Variants in SLC38A9 observed in about 807,000 individuals in gnomAD.
The protein encoded by SLC38A9 is solute carrier family 38 member 9.
Under a neutral mutation model 62.3 loss-of-function variants are expected in SLC38A9, and 48 were observed. The observed-to-expected ratio is 0.77, with a 90% CI of 0.61 to 0.98. The LOEUF is 0.98. SLC38A9 is among the 50% of genes least tolerant of loss of function. The probability of loss-of-function intolerance (pLI) is 0.00; values close to 1 mark genes in which losing one functional copy is unlikely to be tolerated. For missense variants in SLC38A9, 541 were observed against 679.8 expected, an observed-to-expected ratio of 0.80 and a Z score of 2.27; for synonymous variants, 204 against 227.7, an observed-to-expected ratio of 0.90 and a Z score of 0.94.
chr5:55,668,339 T>G (rs755901600), intron 7 of SLC38A9, among the ~76,000 whole-genome samples: 30 of 152,224 alleles, frequency 2.0e-4, no homozygotes, highest in Non-Finnish European at 3.2e-4. Context: ...AGGCTAAAAT[T>G]ATCTCCTCTT....
At chr5:55,656,883 C>G in intron 8 of SLC38A9, 109 bp from the exon 9 acceptor site, 1 of 479,604 alleles carries the variant, frequency 2.1e-6, no homozygotes, top group Non-Finnish European at 3.4e-6. Context: ...TTCTTTGAGA[C>G]GGAGTCTTGC....
intron 3 of SLC38A9, among the ~76,000 whole-genome samples, chr5:55,690,827 C>T (rs1339458405): frequency 6.6e-6 from 1 of 152,164 alleles, no homozygotes; most frequent in East Asian, 1.9e-4. Flanking sequence ...TTAGAGATGT[C>T]TTAAATCTAA....
At chr5:55,667,390 G>A (rs1750653095) in intron 7 of SLC38A9, among the ~76,000 whole-genome samples, 1 of 152,084 alleles carries the variant, frequency 6.6e-6, no homozygotes. Context: ...TTTAAGTAGT[G>A]CTTTTCACTT....
At chr5:55,660,381 C>A (rs1358095305) in intron 8 of SLC38A9, among the ~76,000 whole-genome samples, 2 of 152,020 alleles carry the variant, frequency 1.3e-5, no homozygotes, top group African/African-American at 4.8e-5. Context: ...ACCACTGCAC[C>A]CCAGAGCCTG....
chr5:55,642,381 C>T (rs1184991522), intron 12 of SLC38A9, among the ~76,000 whole-genome samples: 1 of 152,146 alleles, frequency 6.6e-6, no homozygotes, highest in East Asian at 1.9e-4. Context: ...AAATAATGAG[C>T]ATGATAAAAA....
intron 2 of SLC38A9, among the ~76,000 whole-genome samples, chr5:55,710,760 C>A (rs772451416): frequency 3.3e-5 from 5 of 151,770 alleles, no homozygotes; most frequent in Non-Finnish European, 4.4e-5. Flanking sequence ...GGACTGCAGG[C>A]ATGTGCCACC....
chr5:55,670,348 A>G (rs1751102960), intron 4 of SLC38A9, among the ~76,000 whole-genome samples: 1 of 123,930 alleles, frequency 8.1e-6, no homozygotes, highest in Non-Finnish European at 1.8e-5. Flanking sequence ...TCAAATATAG[A>G]AAAACTAACT....
At position 55,672,567 on chromosome 5, in the gene SLC38A9, G is replaced by A. The variant is rs1377908980; in HGVS notation, c.242C>T (p.Ala81Val). ...YSRLTTPADK[A>V]LIAPDHVVPA... ...TAGTAATGTTTTGTCTCTTACCAGT[G>A]CCTTGTCTGCAGGAGTGGTGAGCCG... The change falls in exon 4 of 16, where the codon GCA becomes GTA. Residue 81 changes from alanine to valine, a missense_variant. By Grantham distance (64) the Ala-to-Val change is moderately conservative (BLOSUM62 0). Coordinates refer to ENST00000396865, the MANE Select transcript of SLC38A9 (RefSeq NM_173514.4). 3 of 1,613,978 alleles carry A rather than the reference G, an allele frequency of 1.9e-6. No individual in the cohort carries two copies. The highest frequency in any genetic ancestry group is 1.7e-4 in the Middle Eastern group (1 of 6,052).
chr5:55,691,347 G>A (rs906810010), intron 3 of SLC38A9: 25 of 1,426,562 alleles, frequency 1.8e-5, no homozygotes, highest in South Asian at 1.7e-4. Flanking sequence ...AGAAAAATAT[G>A]GTTTACAAAG....
At chr5:55,642,236 G>A (rs182606531) in intron 12 of SLC38A9, among the ~76,000 whole-genome samples, 5 of 152,244 alleles carry the variant, frequency 3.3e-5, no homozygotes, top group East Asian at 3.9e-4. Context: ...TAGTAGAGAC[G>A]GGGTTTCACT....
At chr5:55,653,521 CATG>C (rs1747894134) in intron 9 of SLC38A9, among the ~76,000 whole-genome samples, 1 of 152,126 alleles carries the variant, frequency 6.6e-6, no homozygotes, top group Admixed American at 6.5e-5. Context: ...AAACAGCTGC[CATG>C]ATATCATAAT....
Position 55,627,963 on chromosome 5 carries a change from A to G in SLC38A9, c.1448T>C (p.Ile483Thr), listed in dbSNP as rs770845160. The G allele has an allele frequency of 6.2e-7, 1 of 1,612,420 alleles. No individual in the cohort carries two copies. The highest frequency in any genetic ancestry group is 8.5e-7 in the Non-Finnish European group (1 of 1,178,806). The change falls in exon 15 of 16, where the codon ATT (isoleucine) becomes ACT (threonine). Residue 483 changes from isoleucine to threonine, a missense_variant. Ile to Thr is a moderately conservative substitution (Grantham distance 89, BLOSUM62 -1). Transcript: ENST00000396865. ...AGCTCCCACAATAATTAGATTAAGA[A>G]TCAGCACATGGAAAATGCTAGAAGT... ...DIYPSIFHVLILNLIIVGAGV... is the reference protein window; with the variant it reads ...DIYPSIFHVLTLNLIIVGAGV...
intron 3 of SLC38A9, chr5:55,696,855 G>A (rs1182750843): frequency 4.5e-4 from 73 of 161,062 alleles, no homozygotes; most frequent in Non-Finnish European, 7.7e-4. Context: ...CGGGGCGGCC[G>A]GGCAGAGACG....
chr5:55,711,151 G>T, intron 2 of SLC38A9, among the ~76,000 whole-genome samples: 1 of 151,746 alleles, frequency 6.6e-6, no homozygotes. Flanking sequence ...AAATTAGCGG[G>T]GCGTGGTGGC....
At position 55,689,759 on chromosome 5, in the gene SLC38A9, T is replaced by A. The variant is rs556243750; in HGVS notation, c.113+8087A>T. Among the ~76,000 whole-genome samples the A allele has an allele frequency of 1.2e-4, 18 of 152,310 alleles. No individual in the cohort carries two copies. In the East Asian group the frequency reaches 1.5e-3, roughly 13 times the overall value. On this transcript the variant is annotated intron_variant, in intron 3 of 15. Transcript: ENST00000396865. ...CAACTTACAGCAGTTCAACTTATGA[T>A]TTTTTGACTTTATGATGGTTTTATC... is the stretch of plus-strand genomic sequence containing the variant.
intron 8 of SLC38A9, among the ~76,000 whole-genome samples, chr5:55,658,846 C>A (rs56877254): frequency 0.039 from 5,952 of 152,096 alleles, 156 homozygotes; most frequent in African/African-American, 0.082. Flanking sequence ...TAGCTCCTAC[C>A]CCTCCAAAAA....
chr5:55,635,858 T>C (rs1005794778), intron 12 of SLC38A9, among the ~76,000 whole-genome samples: 4 of 152,240 alleles, frequency 2.6e-5, no homozygotes, highest in African/African-American at 4.8e-5. Context: ...CTGGCAATTT[T>C]TTTTAAAAAA....
At chr5:55,691,345 A>G (rs1754711014) in intron 3 of SLC38A9, 6 of 1,432,860 alleles carry the variant, frequency 4.2e-6, no homozygotes, top group Non-Finnish European at 4.6e-6. Context: ...GAAGAAAAAT[A>G]TGGTTTACAA....
chr5:55,692,965 C>G, intron 3 of SLC38A9: 1 of 982,472 alleles, frequency 1.0e-6, no homozygotes, highest in African/African-American at 1.7e-5. Context: ...ATTTCCACCT[C>G]TAGTTTTAAG....
Sources: gnomAD v4.1 joint callset for allele counts (sites outside exome capture counted in the v4.1 genomes callset) on GRCh38, gnomAD v4.1.1 for gene constraint, MANE v1.5 for transcripts, NCBI Gene and HGNC (gene_info 2026-07-23, HGNC 2026-07-21) for gene names.